NDC1: variants seen among roughly 807,000 people sequenced by gnomAD.
NDC1 encodes NDC1 transmembrane nucleoporin, also known as nucleoporin NDC1.
A neutral mutation model predicts 89.8 loss-of-function variants in NDC1; 24 were observed. The observed-to-expected ratio is 0.27, with a 90% CI of 0.19 to 0.38. The LOEUF is 0.38. Among genes scored for constraint, NDC1 ranks in the 10% least tolerant of loss-of-function variants. The pLI, the probability that NDC1 is intolerant of heterozygous loss-of-function variation, is 1.00. For synonymous variants in NDC1, 296 were observed against 284.8 expected (o/e 1.04, Z -0.39); for missense variants, 728 against 797.6 (o/e 0.91, Z 1.05).
At position 53,800,720 on chromosome 1, in the gene NDC1, C is replaced by A. The variant is rs752982451; in HGVS notation, c.1195G>T (p.Val399Leu). 1 of 1,614,112 alleles carries A rather than the reference C, an allele frequency of 6.2e-7. No individual in the cohort carries two copies. The highest frequency in any genetic ancestry group is 8.5e-7 in the Non-Finnish European group (1 of 1,179,978). Residue 399 changes from valine (V) to leucine (L), a missense_variant, in exon 11 of 18, where the codon GTG (valine) becomes TTG (leucine). Val to Leu is a conservative substitution (Grantham distance 32). Coordinates refer to ENST00000371429, the MANE Select transcript of NDC1 (RefSeq NM_018087.5). ...GGAGAATTTAATTTCTTAGGTTCCA[C>A]TGGGTAAGATGAAGACACTCTCCCA... Reference protein sequence around the residue: ...TNGRVSSSYPVEPKKLNSPEE... With the variant: ...TNGRVSSSYPLEPKKLNSPEE...
intron 14 of NDC1, among the ~76,000 whole-genome samples, chr1:53,792,596 G>C (rs928609306): frequency 6.6e-6 from 1 of 152,214 alleles, no homozygotes; most frequent in East Asian, 1.9e-4. Flanking sequence ...CAGAAAGAGA[G>C]GCTAGATTTT....
At chr1:53,785,036 C>G (rs1336134794) in intron 16 of NDC1, among the ~76,000 whole-genome samples, 1 of 151,990 alleles carries the variant, frequency 6.6e-6, no homozygotes, top group African/African-American at 2.4e-5. Flanking sequence ...GCCCTGCAAT[C>G]AGACTGGGTT....
At chr1:53,794,181 GCC>G (rs1647618480) in intron 13 of NDC1, among the ~76,000 whole-genome samples, 1 of 152,032 alleles carries the variant, frequency 6.6e-6, no homozygotes, top group Non-Finnish European at 1.5e-5. Flanking sequence ...TTGCCATGTT[GCC>G]CATGCTGGTC....
intron 5 of NDC1, among the ~76,000 whole-genome samples, chr1:53,821,032 G>A (rs757397031): frequency 7.9e-5 from 12 of 151,744 alleles, no homozygotes; most frequent in Non-Finnish European, 1.8e-4. Flanking sequence ...CTTATATTAC[G>A]ACTGATTCTT....
At chr1:53,773,302 TAATTAA>T (rs1647134947) in intron 16 of NDC1, among the ~76,000 whole-genome samples, 2 of 152,132 alleles carry the variant, frequency 1.3e-5, no homozygotes, top group African/African-American at 2.4e-5. Context: ...AAAACAAAAA[TAATTAA>T]AATTATTTTT....
chr1:53,827,285 A>C (rs1461269400), intron 4 of NDC1, among the ~76,000 whole-genome samples: 3 of 151,666 alleles, frequency 2.0e-5, no homozygotes, highest in East Asian at 1.9e-4. Flanking sequence ...AAAAAAAAAA[A>C]AACAAGGTCT....
chr1:53,770,355 A>G (rs1647101411), intron 17 of NDC1, among the ~76,000 whole-genome samples: 1 of 151,994 alleles, frequency 6.6e-6, no homozygotes, highest in Admixed American at 6.6e-5. Flanking sequence ...CGCCCAGGCT[A>G]GAGTGCAGTG....
At position 53,797,217 on chromosome 1, in the gene NDC1, T is replaced by C; in HGVS notation, c.1223-73A>G. ...GGCTAGCAGCAACGCTTTCAAATTCTACACATACCAAATTTTTGTTTAACG... is the reference window on the plus strand; with the variant it reads ...GGCTAGCAGCAACGCTTTCAAATTCCACACATACCAAATTTTTGTTTAACG... On this transcript the variant is annotated intron_variant, in intron 11 of 17. Transcript: ENST00000371429. The C allele has an allele frequency of 1.4e-6, 2 of 1,469,122 alleles. 1 individual carries two copies. The highest frequency in any genetic ancestry group is 3.6e-4 in the Middle Eastern group (2 of 5,598). The allele number at this position is 1,469,122 out of a possible 1,614,324, so 91.0% of individuals were successfully genotyped here. A position where few individuals can be genotyped will look rare whatever the true frequency, so the allele number is the denominator to read the frequency against.
chr1:53,809,629 G>C (rs900450794), intron 7 of NDC1, 66 bp downstream of exon 7: 2 of 1,222,556 alleles, frequency 1.6e-6, no homozygotes, highest in Non-Finnish European at 2.4e-6. Flanking sequence ...CAAAATATCT[G>C]GAAAATAGCA....
At chr1:53,780,420 C>T (rs1436513768) in intron 16 of NDC1, among the ~76,000 whole-genome samples, 3 of 152,200 alleles carry the variant, frequency 2.0e-5, no homozygotes, top group African/African-American at 7.2e-5. Context: ...CTGACTACAA[C>T]TGTAGTTCTT....
At chr1:53,768,055 A>G in intron 17 of NDC1, 22 bp from the exon 18 acceptor site, 1 of 1,567,324 alleles carries the variant, frequency 6.4e-7, no homozygotes, top group Non-Finnish European at 8.7e-7. Context: ...ATAAATTCAA[A>G]GCATAAGCTT....
chr1:53,820,080 C>A (rs1018860062), intron 5 of NDC1, among the ~76,000 whole-genome samples: 5 of 151,960 alleles, frequency 3.3e-5, no homozygotes, highest in African/African-American at 1.2e-4. Flanking sequence ...TGTGGTGAAA[C>A]CCCGTCTCTA....
intron 16 of NDC1, among the ~76,000 whole-genome samples, chr1:53,781,766 C>T (rs1209804424): frequency 6.6e-6 from 1 of 152,166 alleles, no homozygotes. Context: ...AAATATATAA[C>T]AGGGATCATA....
At chr1:53,781,420 A>G (rs962991831) in intron 16 of NDC1, among the ~76,000 whole-genome samples, 8 of 152,220 alleles carry the variant, frequency 5.3e-5, no homozygotes, top group Non-Finnish European at 1.2e-4. Context: ...ATGAAAGTAC[A>G]TATGTCCCTT....
chr1:53,818,787 G>C (rs919695245), intron 6 of NDC1, among the ~76,000 whole-genome samples, 184 bp downstream of exon 6: 2 of 152,174 alleles, frequency 1.3e-5, no homozygotes, highest in African/African-American at 4.8e-5. Flanking sequence ...ATAGGCATAT[G>C]TCACATTTTC....
chr1:53,806,369 T>G, intron 9 of NDC1, 56 bp downstream of exon 9: 1 of 1,090,748 alleles, frequency 9.2e-7, no homozygotes, highest in Non-Finnish European at 1.3e-6. Flanking sequence ...AAATATTAAG[T>G]GTATTGAATA....
rs1318980600 is a variant in NDC1 at position 53,767,666 on chromosome 1, A to G, written c.*304T>C. 9.3e-6 allele frequency: 2 copies of G among 213,966 alleles called. No homozygotes were observed. The highest frequency in any genetic ancestry group is 4.6e-5 in the African/African-American group (2 of 43,842). 13.3% of individuals were successfully genotyped at this position (213,966 alleles called of 1,614,324 possible). On this transcript the variant is annotated 3_prime_UTR_variant, in exon 18 of 18. Coordinates refer to ENST00000371429, the MANE Select transcript of NDC1 (RefSeq NM_018087.5). ...AGTAAATTCTAAAAGTTTTTTAGTTATTACTATTAAGTTATATGAGCTAGA... is the reference window on the plus strand; with the variant it reads ...AGTAAATTCTAAAAGTTTTTTAGTTGTTACTATTAAGTTATATGAGCTAGA...
At chr1:53,784,559 G>A (rs1227839314) in intron 16 of NDC1, among the ~76,000 whole-genome samples, 2 of 152,184 alleles carry the variant, frequency 1.3e-5, no homozygotes, top group African/African-American at 4.8e-5. Context: ...TTGGGAGGCC[G>A]AGGTAGGTGG....
chr1:53,835,159 C>T (rs1484907476), intron 2 of NDC1, among the ~76,000 whole-genome samples: 3 of 152,124 alleles, frequency 2.0e-5, no homozygotes, highest in Non-Finnish European at 4.4e-5. Flanking sequence ...CCCACAATTT[C>T]GAATCGATGA....
Sources: gnomAD v4.1 joint callset for allele counts (sites outside exome capture counted in the v4.1 genomes callset) on GRCh38, gnomAD v4.1.1 for gene constraint, MANE v1.5 for transcripts, NCBI Gene and HGNC (gene_info 2026-07-23, HGNC 2026-07-21) for gene names.